NAV2: variants seen among roughly 807,000 people sequenced by gnomAD.
NAV2 encodes helicase, APC down-regulated 1.
Under a neutral mutation model 223.2 loss-of-function variants are expected in NAV2, and 54 were observed. That is an observed-to-expected ratio of 0.24 (90% CI 0.19 to 0.30). The LOEUF is 0.30. Ranked by LOEUF, NAV2 falls within the 10% of genes least tolerant of loss-of-function variation. The pLI is 1.00. For missense variants in NAV2, 2,806 were observed against 3,147.5 expected (o/e 0.89, Z 2.60); for synonymous variants, 1,279 against 1,239.3 (o/e 1.03, Z -0.67).
chr11:19,465,209 C>T (rs1341363186), intron 1 of NAV2, among the ~76,000 whole-genome samples: 1 of 152,118 alleles, frequency 6.6e-6, no homozygotes, highest in Non-Finnish European at 1.5e-5. Flanking sequence ...GTCATTGCTC[C>T]TGAGGTTGTG....
intron 1 of NAV2, among the ~76,000 whole-genome samples, chr11:19,471,444 G>A (rs781028152): frequency 2.0e-5 from 3 of 152,150 alleles, no homozygotes; most frequent in Admixed American, 6.5e-5. Flanking sequence ...TGCTTCCTCT[G>A]TGCCGGCCAT....
At chr11:19,802,133 G>A (rs980206438) in intron 1 of NAV2, among the ~76,000 whole-genome samples, 1 of 152,088 alleles carries the variant, frequency 6.6e-6, no homozygotes, top group African/African-American at 2.4e-5. Flanking sequence ...TTAATCACTG[G>A]GGGTCTTCAC....
At chr11:19,792,963 C>G (rs988827901) in intron 1 of NAV2, among the ~76,000 whole-genome samples, 1 of 151,380 alleles carries the variant, frequency 6.6e-6, no homozygotes, top group Non-Finnish European at 1.5e-5. Context: ...AATCCCAGCA[C>G]TTTGGGAGGC....
At chr11:20,093,634 GTAGA>G (rs1463704097) in intron 29 of NAV2, among the ~76,000 whole-genome samples, 10 of 152,190 alleles carry the variant, frequency 6.6e-5, no homozygotes, top group Non-Finnish European at 1.3e-4. Context: ...ACACATCTTG[GTAGA>G]CATCAAGGGA....
intron 1 of NAV2, among the ~76,000 whole-genome samples, chr11:19,694,136 T>C (rs1590101921): frequency 6.6e-6 from 1 of 152,132 alleles, no homozygotes; most frequent in African/African-American, 2.4e-5. Context: ...TTGTGACTTA[T>C]TGAAGAAGGG....
chr11:19,543,117 A>G (rs1028056893), intron 1 of NAV2, among the ~76,000 whole-genome samples: 2 of 152,208 alleles, frequency 1.3e-5, no homozygotes, highest in African/African-American at 4.8e-5. Context: ...AGGGCCATAA[A>G]AAGCAATATA....
intron 1 of NAV2, among the ~76,000 whole-genome samples, chr11:19,423,453 G>C (rs1344562627): frequency 6.6e-6 from 1 of 152,206 alleles, no homozygotes; most frequent in Non-Finnish European, 1.5e-5. Context: ...CTGTCCTGTA[G>C]GGTTCAGAGG....
intron 4 of NAV2, among the ~76,000 whole-genome samples, chr11:19,874,165 C>T (rs1283549864): frequency 6.6e-6 from 1 of 152,198 alleles, no homozygotes; most frequent in Admixed American, 6.5e-5. Flanking sequence ...ATTTATCTTA[C>T]TCTTCATGCC....
intron 1 of NAV2, among the ~76,000 whole-genome samples, chr11:19,572,868 G>A (rs1018401925): frequency 9.2e-5 from 14 of 152,266 alleles, no homozygotes; most frequent in Middle Eastern, 6.8e-3. Context: ...ATATTAATTA[G>A]TATAATTACC....
intron 1 of NAV2, among the ~76,000 whole-genome samples, chr11:19,414,584 A>G (rs1850285839): frequency 6.6e-6 from 1 of 152,218 alleles, no homozygotes; most frequent in Non-Finnish European, 1.5e-5. Flanking sequence ...TCAGCTCTGG[A>G]CCAAGCAGAC....
chr11:19,719,443 C>A (rs891182707), intron 1 of NAV2, among the ~76,000 whole-genome samples: 3 of 152,098 alleles, frequency 2.0e-5, no homozygotes, highest in Admixed American at 2.0e-4. Flanking sequence ...TATAGAACAT[C>A]CCTAAACTTC....
At chr11:20,068,447 T>G in intron 22 of NAV2, 49 bp downstream of exon 22, 1 of 1,418,314 alleles carries the variant, frequency 7.1e-7, no homozygotes, top group South Asian at 1.1e-5. Context: ...GCACCATCCT[T>G]GCCTTCTGAA....
At chr11:19,439,202 C>T (rs1352714134) in intron 1 of NAV2, among the ~76,000 whole-genome samples, 1 of 152,166 alleles carries the variant, frequency 6.6e-6, no homozygotes, top group Admixed American at 6.5e-5. Flanking sequence ...GTTTTAGAAA[C>T]TCTCTGCCAG....
chr11:19,856,009 T>C (rs2061391772), intron 3 of NAV2, among the ~76,000 whole-genome samples: 1 of 152,220 alleles, frequency 6.6e-6, no homozygotes, highest in Admixed American at 6.5e-5. Context: ...GGAGACTTCC[T>C]GATATGTGGA....
intron 13 of NAV2, among the ~76,000 whole-genome samples, chr11:20,044,763 G>A (rs999627299): frequency 3.3e-5 from 5 of 152,140 alleles, no homozygotes; most frequent in African/African-American, 1.2e-4. Flanking sequence ...AATTTAGACT[G>A]CTTTGCAAAT....
At chr11:19,971,288 G>T (rs1044131409) in intron 10 of NAV2, among the ~76,000 whole-genome samples, 1 of 152,108 alleles carries the variant, frequency 6.6e-6, no homozygotes, top group Non-Finnish European at 1.5e-5. Context: ...GAAGAGGTTA[G>T]AGTGATTGTT....
chr11:19,840,041 C>T (rs1175204702), intron 2 of NAV2, among the ~76,000 whole-genome samples: 2 of 152,054 alleles, frequency 1.3e-5, no homozygotes, highest in Admixed American at 6.5e-5. Flanking sequence ...TATTAGCACT[C>T]TAATTATTTA....
chr11:20,119,260 G>A lies in NAV2; in HGVS notation c.*1002G>A, dbSNP rs915487057. The A allele has an allele frequency of 6.6e-6, 1 of 151,906 alleles. No individual in the cohort carries two copies. Among genetic ancestry groups the A allele is most frequent in the African/African-American group, 2.4e-5 (1 of 41,324 alleles). 9.4% of individuals were successfully genotyped at this position (151,906 alleles called of 1,614,324 possible). ...GTAAGAACCGCAGGAGTTGAGTTTTGGTTTGGTCCTGCTCAGTTTTGGTTT... is the reference window on the plus strand; with the variant it reads ...GTAAGAACCGCAGGAGTTGAGTTTTAGTTTGGTCCTGCTCAGTTTTGGTTT... On this transcript the variant is annotated 3_prime_UTR_variant, in exon 38 of 38. Coordinates refer to ENST00000349880, the MANE Select transcript of NAV2 (RefSeq NM_145117.5).
intron 5 of NAV2, among the ~76,000 whole-genome samples, chr11:19,889,225 T>C (rs549822361): frequency 1.3e-5 from 2 of 152,332 alleles, no homozygotes; most frequent in Admixed American, 6.5e-5. Context: ...TTTTTTTCTT[T>C]CTTCCCACTT....
Sources: allele counts gnomAD v4.1 joint callset (sites outside exome capture counted in the v4.1 genomes callset), GRCh38; gene constraint gnomAD v4.1.1; transcripts MANE v1.5; gene names NCBI Gene and HGNC (gene_info 2026-07-23, HGNC 2026-07-21).